Variants in CCSER1 observed in about 807,000 individuals in gnomAD.
CCSER1 encodes the protein serine-rich coiled-coil domain-containing protein 1.
Under a neutral mutation model 82.0 loss-of-function variants are expected in CCSER1, and 41 were observed. The ratio of observed to expected loss-of-function variants is 0.50; its 90% CI spans 0.39 to 0.65. The LOEUF is 0.65. Among genes scored for constraint, CCSER1 ranks in the 30% least tolerant of loss-of-function variants. The pLI is 0.00. For missense variants in CCSER1, 1,119 were observed against 1,064.2 expected, an observed-to-expected ratio of 1.05 and a Z score of -0.72; for synonymous variants, 414 against 383.9, an observed-to-expected ratio of 1.08 and a Z score of -0.92.
intron 1 of CCSER1, among the ~76,000 whole-genome samples, chr4:90,136,869 T>A (rs529246290): frequency 4.9e-4 from 75 of 152,202 alleles, no homozygotes; most frequent in African/African-American, 1.7e-3. Context: ...GGTGAGAAGT[T>A]AGGAAAAGGA....
rs74719409 is a variant in CCSER1, at chr4:90,581,563, T to A, written c.1725-46462T>A. Among the ~76,000 whole-genome samples the A allele has an allele frequency of 1.3e-3, 197 of 152,252 alleles. 1 individual carries two copies. The East Asian group carries it at 0.035, about 27-fold the overall frequency. On this transcript the variant is annotated intron_variant, in intron 5 of 10. Transcript: ENST00000509176. The stretch of plus-strand genomic sequence containing the variant: ...TATATATTGCACAGTTCTTATTAAT[T>A]AATTATTTAATTAGCACCTAAATTG...
chr4:90,666,873 G>T (rs1731886570), intron 6 of CCSER1, among the ~76,000 whole-genome samples: 2 of 152,172 alleles, frequency 1.3e-5, no homozygotes, highest in South Asian at 4.1e-4. Context: ...AACATTATGG[G>T]CATGGGAGCG....
intron 1 of CCSER1, among the ~76,000 whole-genome samples, chr4:90,159,411 G>A (rs554939494): frequency 1.3e-5 from 2 of 152,274 alleles, no homozygotes; most frequent in Admixed American, 6.5e-5. Flanking sequence ...GTACCTCGAT[G>A]AATGGTGAGG....
At chr4:91,200,068 C>T (rs1183719212) in intron 10 of CCSER1, among the ~76,000 whole-genome samples, 1 of 151,892 alleles carries the variant, frequency 6.6e-6, no homozygotes, top group African/African-American at 2.4e-5. Flanking sequence ...AATTTATGTT[C>T]CAGCAAACAG....
At chr4:91,403,760 G>C (rs1039671453) in intron 10 of CCSER1, among the ~76,000 whole-genome samples, 3 of 152,100 alleles carry the variant, frequency 2.0e-5, no homozygotes, top group Admixed American at 1.3e-4. Flanking sequence ...TCATCATCAT[G>C]GATAAGCTTT....
intron 10 of CCSER1, among the ~76,000 whole-genome samples, chr4:91,179,457 G>T (rs191353988): frequency 6.6e-6 from 1 of 152,260 alleles, no homozygotes; most frequent in East Asian, 1.9e-4. Context: ...CATAAGTTTG[G>T]TCTTTTCACA....
At position 90,867,997 on chromosome 4, in the gene CCSER1, G is replaced by T. The variant is rs75756683; in HGVS notation, c.2094+52152G>T. Among the ~76,000 whole-genome samples the T allele has an allele frequency of 8.5e-3, 1,299 of 152,112 alleles. 8 individuals are homozygous for T. The highest frequency in any genetic ancestry group is 0.011 in the Non-Finnish European group (762 of 67,968). On this transcript the variant is annotated intron_variant, in intron 8 of 10. Transcript: ENST00000509176. ...AATATTGACTATTGTGAACAGTGCTGCAGTAAACATGGGAGTGCAGAGTTC... is the reference window on the plus strand; with the variant it reads ...AATATTGACTATTGTGAACAGTGCTTCAGTAAACATGGGAGTGCAGAGTTC...
intron 4 of CCSER1, among the ~76,000 whole-genome samples, chr4:90,448,349 A>G (rs1233431111): frequency 3.3e-5 from 5 of 150,590 alleles, no homozygotes; most frequent in Non-Finnish European, 7.4e-5. Flanking sequence ...TGCTGCAAGG[A>G]TAGCTCCAGG....
intron 5 of CCSER1, among the ~76,000 whole-genome samples, chr4:90,548,417 C>A (rs1777052793): frequency 6.6e-6 from 1 of 152,014 alleles, no homozygotes; most frequent in Non-Finnish European, 1.5e-5. Flanking sequence ...TCCCAGCTGG[C>A]ACAAGTAATG....
At chr4:90,779,868 C>T (rs1490143971) in intron 7 of CCSER1, among the ~76,000 whole-genome samples, 5 of 152,134 alleles carry the variant, frequency 3.3e-5, no homozygotes, top group Admixed American at 6.5e-5. Context: ...CTGTATTTGC[C>T]TTCCAACAAC....
At chr4:90,560,042 T>G (rs966408949) in intron 5 of CCSER1, among the ~76,000 whole-genome samples, 3 of 151,958 alleles carry the variant, frequency 2.0e-5, no homozygotes, top group African/African-American at 7.3e-5. Context: ...TCTTTCACAG[T>G]TACGATAATA....
chr4:90,986,980 A>G (rs1234933665), intron 9 of CCSER1, among the ~76,000 whole-genome samples: 1 of 151,590 alleles, frequency 6.6e-6, no homozygotes, highest in Non-Finnish European at 1.5e-5. Flanking sequence ...CACGTACTGT[A>G]CAAGGCAGAT....
intron 5 of CCSER1, among the ~76,000 whole-genome samples, chr4:90,580,684 T>C (rs931095653): frequency 6.6e-6 from 1 of 152,178 alleles, no homozygotes; most frequent in Non-Finnish European, 1.5e-5. Flanking sequence ...CTGAGCAACT[T>C]TGGTCTGTTG....
At chr4:91,431,322 A>C (rs1754297547) in intron 10 of CCSER1, among the ~76,000 whole-genome samples, 1 of 152,204 alleles carries the variant, frequency 6.6e-6, no homozygotes, top group Admixed American at 6.5e-5. Context: ...GGAAAAATAA[A>C]ACTATAAACT....
At chr4:90,956,491 G>T (rs1225640462) in intron 9 of CCSER1, among the ~76,000 whole-genome samples, 1 of 152,034 alleles carries the variant, frequency 6.6e-6, no homozygotes, top group African/African-American at 2.4e-5. Flanking sequence ...ATTCAGACAG[G>T]CATCTAAAAT....
At chr4:91,123,851 G>T (rs1411921037) in intron 10 of CCSER1, among the ~76,000 whole-genome samples, 3 of 151,710 alleles carry the variant, frequency 2.0e-5, no homozygotes, top group African/African-American at 7.2e-5. Flanking sequence ...ATTGAAGTTG[G>T]TGTTTTGGAG....
At chr4:91,104,955 G>C (rs1048367478) in intron 10 of CCSER1, among the ~76,000 whole-genome samples, 4 of 152,128 alleles carry the variant, frequency 2.6e-5, no homozygotes, top group Admixed American at 1.3e-4. Context: ...TACATGCATA[G>C]ATTGTGTGGT....
At chr4:91,264,113 A>C (rs1189347190) in intron 10 of CCSER1, among the ~76,000 whole-genome samples, 1 of 149,080 alleles carries the variant, frequency 6.7e-6, no homozygotes, top group Non-Finnish European at 1.5e-5. Flanking sequence ...TGAAACATTT[A>C]TGATGAATGA....
chr4:90,313,767 C>T (rs1056089400), intron 3 of CCSER1, among the ~76,000 whole-genome samples: 10 of 152,026 alleles, frequency 6.6e-5, no homozygotes, highest in African/African-American at 2.4e-4. Flanking sequence ...AGCCTTGGGT[C>T]CATGTGGCCT....
Sources: gnomAD v4.1 joint callset for allele counts (sites outside exome capture counted in the v4.1 genomes callset) on GRCh38, gnomAD v4.1.1 for gene constraint, MANE v1.5 for transcripts, NCBI Gene and HGNC (gene_info 2026-07-23, HGNC 2026-07-21) for gene names.